ROBO2: variants seen among roughly 807,000 people sequenced by gnomAD.
The protein encoded by ROBO2 is roundabout guidance receptor 2, also known as roundabout homolog 2.
A neutral mutation model predicts 160.8 loss-of-function variants in ROBO2; 53 were observed. The observed-to-expected ratio is 0.33, with a 90% CI of 0.26 to 0.41. The LOEUF (loss-of-function observed/expected upper bound fraction) is 0.41. Ranked by LOEUF, ROBO2 falls within the 10% of genes least tolerant of loss-of-function variation. The probability of loss-of-function intolerance (pLI) is 1.00; values close to 1 mark genes in which losing one functional copy is unlikely to be tolerated. For missense variants in ROBO2, 1,577 were observed against 1,722.4 expected, an observed-to-expected ratio of 0.92 and a Z score of 1.49; for synonymous variants, 664 against 611.7, an observed-to-expected ratio of 1.09 and a Z score of -1.26.
chr3:77,102,873 A>G (rs2072186316), intron 2 of ROBO2, among the ~76,000 whole-genome samples: 1 of 150,428 alleles, frequency 6.6e-6, no homozygotes, highest in Admixed American at 6.6e-5. Context: ...AAAAATAGCT[A>G]TCCAGAAAGT....
chr3:76,747,390 G>C (rs115133024), intron 2 of ROBO2, among the ~76,000 whole-genome samples: 1 of 152,024 alleles, frequency 6.6e-6, no homozygotes, highest in East Asian at 1.9e-4. Flanking sequence ...ATCTTTCATA[G>C]AATTTTAACT....
intron 2 of ROBO2, among the ~76,000 whole-genome samples, chr3:76,515,253 C>T (rs2107800894): frequency 6.6e-6 from 1 of 152,250 alleles, no homozygotes; most frequent in Non-Finnish European, 1.5e-5. Flanking sequence ...TCCTCCCTGA[C>T]TTTCTACTGC....
rs114856827 is a variant in ROBO2, at chr3:76,678,943, A to G, written c.110-419071A>G. On this transcript the variant is annotated intron_variant, in intron 2 of 26. Transcript: ENST00000487694. Reference sequence around the variant, plus strand: ...TCATTACTTATTTACTTATAGCACAATTATGATTATTGTTGTCATATTTAG... The same window carrying G: ...TCATTACTTATTTACTTATAGCACAGTTATGATTATTGTTGTCATATTTAG... 7.7e-3 allele frequency among the ~76,000 whole-genome samples: 1,170 copies of G among 152,304 alleles called. 14 individuals are homozygous for G. Among genetic ancestry groups the G allele is most frequent in the African/African-American group, 0.022 (894 of 41,572 alleles).
chr3:75,971,374 T>A (rs2064988031), intron 2 of ROBO2, among the ~76,000 whole-genome samples: 1 of 151,494 alleles, frequency 6.6e-6, no homozygotes, highest in Non-Finnish European at 1.5e-5. Context: ...GATGAAGGCA[T>A]CAAAAACTTG....
At chr3:76,649,788 G>T (rs1382259473) in intron 2 of ROBO2, among the ~76,000 whole-genome samples, 1 of 152,076 alleles carries the variant, frequency 6.6e-6, no homozygotes, top group East Asian at 1.9e-4. Flanking sequence ...AGGGTTAGAA[G>T]TCACATTTGT....
In ROBO2 at chr3:76,261,931, C is replaced by T. The variant is rs150002412; in HGVS notation, c.109+324329C>T. On this transcript the variant is annotated intron_variant, in intron 2 of 26. Coordinates refer to the ROBO2 transcript ENST00000487694. ...CTTTCTTTTAGATCCACATTATATACGATTTTTGGAGGAGATGTATAGCAT... is the reference window on the plus strand; with the variant it reads ...CTTTCTTTTAGATCCACATTATATATGATTTTTGGAGGAGATGTATAGCAT... Among the ~76,000 whole-genome samples the T allele has an allele frequency of 3.3e-3, 503 of 152,024 alleles. 3 individuals are homozygous for T. The highest frequency in any genetic ancestry group is 0.011 in the African/African-American group (463 of 41,500).
intron 2 of ROBO2, among the ~76,000 whole-genome samples, chr3:76,158,438 A>ACTAT (rs1004746023): frequency 1.4e-5 from 2 of 139,334 alleles, no homozygotes; most frequent in Non-Finnish European, 3.2e-5. Context: ...ATTTAATGAT[A>ACTAT]CTATACCCCT....
intron 2 of ROBO2, among the ~76,000 whole-genome samples, chr3:76,776,818 T>C (rs2108560224): frequency 6.6e-6 from 1 of 151,158 alleles, no homozygotes; most frequent in South Asian, 2.1e-4. Flanking sequence ...AGTTAAACTT[T>C]CATTTTCAAT....
chr3:77,032,468 G>A (rs2063382027), intron 2 of ROBO2, among the ~76,000 whole-genome samples: 1 of 151,974 alleles, frequency 6.6e-6, no homozygotes, highest in African/African-American at 2.4e-5. Flanking sequence ...AAAAATTTAG[G>A]TATTATTATT....
At chr3:76,339,127 T>C (rs2074063283) in intron 2 of ROBO2, among the ~76,000 whole-genome samples, 2 of 152,220 alleles carry the variant, frequency 1.3e-5, no homozygotes, top group Non-Finnish European at 2.9e-5. Flanking sequence ...CCTTTAAACT[T>C]ATCTAAATAT....
At chr3:76,811,804 TCC>T (rs2065187075) in intron 2 of ROBO2, among the ~76,000 whole-genome samples, 1 of 62,164 alleles carries the variant, frequency 1.6e-5, no homozygotes, top group Non-Finnish European at 3.5e-5. Context: ...CTTCCTTCCT[TCC>T]TTCCTTCCTT....
intron 1 of ROBO2, among the ~76,000 whole-genome samples, chr3:77,072,569 T>C (rs2067538110): frequency 6.6e-6 from 1 of 152,174 alleles, no homozygotes; most frequent in South Asian, 2.1e-4. Context: ...GTCAGGACTA[T>C]GCTTAAAGAA....
chr3:76,934,468 C>T (rs955740364), intron 2 of ROBO2, among the ~76,000 whole-genome samples: 2 of 151,962 alleles, frequency 1.3e-5, no homozygotes, highest in African/African-American at 4.8e-5. Context: ...TTTGGCTGGG[C>T]ATGGTGGCCC....
At chr3:77,221,916 G>C (rs1337325300) in intron 2 of ROBO2, among the ~76,000 whole-genome samples, 2 of 142,434 alleles carry the variant, frequency 1.4e-5, no homozygotes, top group Admixed American at 1.4e-4. Flanking sequence ...GCAGTGGCAC[G>C]ATCTCGGCTC....
At chr3:76,293,624 A>G (rs1708918854) in intron 2 of ROBO2, among the ~76,000 whole-genome samples, 1 of 152,236 alleles carries the variant, frequency 6.6e-6, no homozygotes, top group South Asian at 2.1e-4. Flanking sequence ...ACCGTTAGCT[A>G]GCAGATATTG....
chr3:77,277,677 C>A (rs1191673599), intron 2 of ROBO2, among the ~76,000 whole-genome samples: 6 of 152,082 alleles, frequency 3.9e-5, no homozygotes, highest in Non-Finnish European at 8.8e-5. Flanking sequence ...TGTATATGTA[C>A]CACATTTTCT....
chr3:76,634,130 C>T (rs551381094), intron 2 of ROBO2, among the ~76,000 whole-genome samples: 39 of 152,204 alleles, frequency 2.6e-4, no homozygotes, highest in Non-Finnish European at 4.7e-4. Flanking sequence ...AGCAAGCTAG[C>T]GAGCAAAAAA....
At chr3:77,307,138 T>C (rs2153418290) in intron 2 of ROBO2, among the ~76,000 whole-genome samples, 1 of 152,258 alleles carries the variant, frequency 6.6e-6, no homozygotes, top group East Asian at 1.9e-4. Flanking sequence ...ATAAACTTCA[T>C]TGGATAAGAA....
At chr3:77,524,043 A>G (rs1304228533) in intron 6 of ROBO2, among the ~76,000 whole-genome samples, 1 of 151,300 alleles carries the variant, frequency 6.6e-6, no homozygotes, top group African/African-American at 2.4e-5. Flanking sequence ...TTCAAATCAT[A>G]CAAAACTCAA....
Sources: allele counts gnomAD v4.1 joint callset (sites outside exome capture counted in the v4.1 genomes callset), GRCh38; gene constraint gnomAD v4.1.1; transcripts MANE v1.5; gene names NCBI Gene and HGNC (gene_info 2026-07-23, HGNC 2026-07-21).